The following CDH18 variants were observed in gnomAD, a reference collection of about 807,000 sequenced individuals.
CDH18 encodes cadherin-18.
In CDH18, 31 loss-of-function variants were observed where a neutral mutation model predicts 67.9. The ratio of observed to expected loss-of-function variants is 0.46; its 90% CI spans 0.34 to 0.62. The LOEUF (loss-of-function observed/expected upper bound fraction) is 0.62, where lower values mean the gene tolerates loss of function less well. CDH18 is among the 20% of genes least tolerant of loss of function. The pLI is 0.01. For missense variants in CDH18, 890 were observed against 975.5 expected (o/e 0.91, Z 1.17); for synonymous variants, 362 against 347.2 (o/e 1.04, Z -0.48).
At chr5:20,573,056 A>G (rs1272088426) in intron 1 of CDH18, among the ~76,000 whole-genome samples, 1 of 152,102 alleles carries the variant, frequency 6.6e-6, no homozygotes, top group Non-Finnish European at 1.5e-5. Flanking sequence ...TTTTAAAAAC[A>G]CTTTCTTTTT....
chr5:20,261,556 C>T (rs1206369881), intron 1 of CDH18, among the ~76,000 whole-genome samples: 2 of 151,802 alleles, frequency 1.3e-5, no homozygotes, highest in African/African-American at 2.4e-5. Flanking sequence ...CTGGCTAAAA[C>T]GGTGAAACCC....
chr5:19,980,989 C>G (rs1290901608), intron 2 of CDH18, 71 bp downstream of exon 2: 1 of 152,150 alleles, frequency 6.6e-6, no homozygotes, highest in East Asian at 1.9e-4. Flanking sequence ...TCACTTTCCC[C>G]CATCAGACTT....
chr5:20,201,182 T>TA (rs1739415225), intron 2 of CDH18, among the ~76,000 whole-genome samples: 1 of 151,906 alleles, frequency 6.6e-6, no homozygotes, highest in Non-Finnish European at 1.5e-5. Flanking sequence ...ATTCTTTGGC[T>TA]ACTAGATGCA....
At chr5:19,744,144 A>C (rs1483666126) in intron 4 of CDH18, among the ~76,000 whole-genome samples, 1 of 151,910 alleles carries the variant, frequency 6.6e-6, no homozygotes. Context: ...GATAAAATAT[A>C]ATTTCCAATA....
intron 5 of CDH18, among the ~76,000 whole-genome samples, chr5:19,715,032 A>C (rs1445924107): frequency 2.6e-5 from 4 of 152,078 alleles, no homozygotes; most frequent in African/African-American, 9.7e-5. Flanking sequence ...ATAGATATAA[A>C]ATATTGACTT....
At chr5:20,129,473 A>T (rs1313572720) in intron 2 of CDH18, among the ~76,000 whole-genome samples, 1 of 152,080 alleles carries the variant, frequency 6.6e-6, no homozygotes, top group Non-Finnish European at 1.5e-5. Context: ...ATAAAGAAAC[A>T]ATATACTATG....
Position 20,185,212 on chromosome 5 carries a change from A to G in CDH18, c.-518+70232T>C, listed in dbSNP as rs1580429589. Among the ~76,000 whole-genome samples, 3 of 152,072 alleles carry G rather than the reference A, an allele frequency of 2.0e-5. No individual in the cohort carries two copies. In the South Asian group the frequency reaches 6.2e-4, roughly 31 times the overall value. On this transcript the variant is annotated intron_variant, in intron 2 of 14. Transcript: ENST00000507958. ...ATCCTGTCAACAATATGTTCAAAGT[A>G]CATACTTTATCAGATCACCTTCTAG...
At chr5:20,339,449 C>T (rs1740065350) in intron 1 of CDH18, among the ~76,000 whole-genome samples, 1 of 152,046 alleles carries the variant, frequency 6.6e-6, no homozygotes, top group African/African-American at 2.4e-5. Flanking sequence ...ATTGACTCAG[C>T]CCTACTAGCA....
intron 1 of CDH18, among the ~76,000 whole-genome samples, chr5:20,342,898 T>C (rs761913285): frequency 5.3e-5 from 8 of 152,120 alleles, no homozygotes; most frequent in Non-Finnish European, 7.4e-5. Flanking sequence ...TGGAGTGGAT[T>C]AGTCACTTTA....
intron 5 of CDH18, among the ~76,000 whole-genome samples, chr5:19,702,684 C>A (rs1325010362): frequency 6.6e-6 from 1 of 152,030 alleles, no homozygotes; most frequent in Non-Finnish European, 1.5e-5. Flanking sequence ...ACGAGAATCA[C>A]TTGAACCCGG....
chr5:20,144,645 T>C (rs1033583795), intron 2 of CDH18, among the ~76,000 whole-genome samples: 13 of 152,156 alleles, frequency 8.5e-5, no homozygotes, highest in Non-Finnish European at 1.8e-4. Context: ...GTGTCTTGCA[T>C]GTGAGAAGGG....
At chr5:20,495,700 T>C (rs1215739175) in intron 1 of CDH18, among the ~76,000 whole-genome samples, 1 of 152,090 alleles carries the variant, frequency 6.6e-6, no homozygotes, top group Non-Finnish European at 1.5e-5. Context: ...AAGATACTGT[T>C]GGCATAATCT....
At chr5:19,527,437 T>A (rs1037247676) in intron 9 of CDH18, among the ~76,000 whole-genome samples, 4 of 151,618 alleles carry the variant, frequency 2.6e-5, no homozygotes, top group Non-Finnish European at 3.0e-5. Context: ...TTCTCTTTTT[T>A]AAATATATTA....
At chr5:20,392,056 G>T (rs898505016) in intron 1 of CDH18, among the ~76,000 whole-genome samples, 2 of 151,778 alleles carry the variant, frequency 1.3e-5, no homozygotes, top group Admixed American at 1.3e-4. Flanking sequence ...ATTTATTGTA[G>T]ATAAATGTAA....
intron 2 of CDH18, among the ~76,000 whole-genome samples, chr5:20,137,776 G>C (rs1749864546): frequency 6.6e-6 from 1 of 151,930 alleles, no homozygotes; most frequent in Non-Finnish European, 1.5e-5. Flanking sequence ...TTTTGGTGTG[G>C]ATGTCCTTTA....
intron 2 of CDH18, among the ~76,000 whole-genome samples, chr5:19,851,599 A>G (rs1783697957): frequency 6.6e-6 from 1 of 151,828 alleles, no homozygotes; most frequent in Admixed American, 6.6e-5. Flanking sequence ...AGTCATATTA[A>G]TACTATCTAA....
At chr5:19,621,544 A>G (rs1750699441) in intron 5 of CDH18, among the ~76,000 whole-genome samples, 1 of 152,176 alleles carries the variant, frequency 6.6e-6, no homozygotes, top group South Asian at 2.1e-4. Context: ...AACCTCAAAG[A>G]CATTATGTAA....
chr5:20,420,423 G>T, intron 1 of CDH18, among the ~76,000 whole-genome samples: 1 of 151,116 alleles, frequency 6.6e-6, no homozygotes, highest in South Asian at 2.1e-4. Flanking sequence ...GTATTCCAAC[G>T]TTATATTCTT....
intron 2 of CDH18, among the ~76,000 whole-genome samples, chr5:20,234,064 T>A (rs1227534332): frequency 6.6e-6 from 1 of 152,106 alleles, no homozygotes; most frequent in African/African-American, 2.4e-5. Flanking sequence ...TGCAATGGTA[T>A]AAGAGAAATG....
Sources: allele counts gnomAD v4.1 joint callset (sites outside exome capture counted in the v4.1 genomes callset), GRCh38; gene constraint gnomAD v4.1.1; transcripts MANE v1.5; gene names NCBI Gene and HGNC (gene_info 2026-07-23, HGNC 2026-07-21).